The following TTC7B variants were observed in gnomAD, a reference collection of about 807,000 sequenced individuals.
TTC7B encodes the protein tetratricopeptide repeat protein 7B.
A neutral mutation model predicts 106.8 loss-of-function variants in TTC7B; 28 were observed. The ratio of observed to expected loss-of-function variants is 0.26; its 90% CI spans 0.19 to 0.36. The LOEUF is 0.36. Among genes scored for constraint, TTC7B ranks in the 10% least tolerant of loss-of-function variants. TTC7B has a pLI of 1.00. For synonymous variants in TTC7B, 405 were observed against 430.6 expected (o/e 0.94, Z 0.74); for missense variants, 862 against 1,076.4 (o/e 0.80, Z 2.79).
At chr14:90,587,123 C>T (rs921449973) in intron 18 of TTC7B, among the ~76,000 whole-genome samples, 1 of 152,202 alleles carries the variant, frequency 6.6e-6, no homozygotes, top group Non-Finnish European at 1.5e-5. Flanking sequence ...TGCCTTCCAT[C>T]CATTCTCCAC....
chr14:90,569,371 T>C (rs1890931639), intron 19 of TTC7B, among the ~76,000 whole-genome samples: 1 of 152,186 alleles, frequency 6.6e-6, no homozygotes, highest in Non-Finnish European at 1.5e-5. Context: ...GGGCTGAGGC[T>C]GTGTCCCAAG....
At chr14:90,755,036 A>G (rs1403319545) in intron 3 of TTC7B, among the ~76,000 whole-genome samples, 1 of 152,116 alleles carries the variant, frequency 6.6e-6, no homozygotes, top group African/African-American at 2.4e-5. Context: ...TCTAACTCAA[A>G]ACCTTCCTTC....
At position 90,557,506 on chromosome 14, in the gene TTC7B, A is replaced by G. The variant is rs184690228; in HGVS notation, c.2311-15917T>C. On this transcript the variant is annotated intron_variant, in intron 19 of 19. Coordinates refer to ENST00000328459, the MANE Select transcript of TTC7B (RefSeq NM_001010854.2). Reference sequence around the variant, plus strand: ...CCAAGGAATATTTGTTGGAGCACCTACTATATCCTTAGTGTGTATCTGTTC... The same window carrying G: ...CCAAGGAATATTTGTTGGAGCACCTGCTATATCCTTAGTGTGTATCTGTTC... 2.0e-3 allele frequency among the ~76,000 whole-genome samples: 305 copies of G among 152,346 alleles called. 3 individuals are homozygous for G. Among genetic ancestry groups the G allele is most frequent in the African/African-American group, 7.0e-3 (292 of 41,586 alleles).
chr14:90,764,724 T>C (rs1239272950), intron 3 of TTC7B, among the ~76,000 whole-genome samples: 1 of 152,154 alleles, frequency 6.6e-6, no homozygotes, highest in Non-Finnish European at 1.5e-5. Context: ...TAATACCACT[T>C]ATCATTAGGG....
chr14:90,722,716 A>G (rs1642916985), intron 5 of TTC7B, among the ~76,000 whole-genome samples: 1 of 152,228 alleles, frequency 6.6e-6, no homozygotes, highest in African/African-American at 2.4e-5. Context: ...CTTCCATGGT[A>G]TCTGATCCAG....
chr14:90,598,638 T>C (rs541105411), intron 17 of TTC7B, among the ~76,000 whole-genome samples: 13 of 152,330 alleles, frequency 8.5e-5, no homozygotes, highest in African/African-American at 3.1e-4. Flanking sequence ...TATTGTACAC[T>C]GAGGGCTGTT....
intron 15 of TTC7B, among the ~76,000 whole-genome samples, chr14:90,619,180 C>T (rs1893209038): frequency 1.3e-5 from 2 of 152,214 alleles, no homozygotes; most frequent in South Asian, 4.1e-4. Flanking sequence ...TGAGCCACCG[C>T]TCCCAGCCCC....
intron 7 of TTC7B, among the ~76,000 whole-genome samples, chr14:90,682,992 A>C (rs546447980): frequency 6.6e-6 from 1 of 152,350 alleles, no homozygotes. Flanking sequence ...AGTAATCATC[A>C]TCTTGCCAGG....
At chr14:90,766,710 T>C in intron 3 of TTC7B, 1 of 1,505,886 alleles carries the variant, frequency 6.6e-7, no homozygotes, top group Non-Finnish European at 9.2e-7. Flanking sequence ...GAGAACTCAC[T>C]GAGGATGAGG....
At chr14:90,741,831 C>G (rs1458141126) in intron 4 of TTC7B, among the ~76,000 whole-genome samples, 1 of 152,160 alleles carries the variant, frequency 6.6e-6, no homozygotes, top group African/African-American at 2.4e-5. Context: ...TGAGTACTTA[C>G]TACAGTCAAA....
At chr14:90,685,858 A>AT (rs1887234572) in intron 7 of TTC7B, among the ~76,000 whole-genome samples, 1 of 152,106 alleles carries the variant, frequency 6.6e-6, no homozygotes, top group East Asian at 1.9e-4. Context: ...TTAAAAAAAA[A>AT]CAAAAAAAAC....
intron 4 of TTC7B, among the ~76,000 whole-genome samples, chr14:90,737,114 T>C (rs1317282439): frequency 6.6e-6 from 1 of 152,034 alleles, no homozygotes; most frequent in African/African-American, 2.4e-5. Flanking sequence ...TAGGAAAATA[T>C]TCAGAGCAAA....
rs371611980 is a variant in TTC7B, at chr14:90,537,382, G to GGT, written c.*3984_*3985dup. The GGT allele has an allele frequency of 4.0e-5, 6 of 149,550 alleles. 1 individual carries two copies. Among genetic ancestry groups the GGT allele is most frequent in the African/African-American group, 1.5e-4 (6 of 40,034 alleles). 9.3% of individuals were successfully genotyped at this position (149,550 alleles called of 1,614,324 possible). ...TTTTTTTTTGTAGAGATGGGGGGGG[G>GGT]GTCTCACCATGTTGCCCAGGCTGGT... On this transcript the variant is annotated 3_prime_UTR_variant, in exon 20 of 20. Coordinates refer to ENST00000328459, the MANE Select transcript of TTC7B (RefSeq NM_001010854.2).
chr14:90,704,889 C>T (rs1027846819), intron 5 of TTC7B, among the ~76,000 whole-genome samples: 2 of 152,212 alleles, frequency 1.3e-5, no homozygotes, highest in African/African-American at 4.8e-5. Context: ...TCAGAGTTCA[C>T]ACTCACTCAC....
chr14:90,677,724 C>CCA (rs1433901578), intron 8 of TTC7B: 20 of 418,300 alleles, frequency 4.8e-5, no homozygotes, highest in Middle Eastern at 3.5e-4. Context: ...TTCAGAAAGG[C>CCA]CACACACACA....
intron 19 of TTC7B, among the ~76,000 whole-genome samples, chr14:90,568,166 G>A (rs1890878183): frequency 6.6e-6 from 1 of 152,206 alleles, no homozygotes; most frequent in African/African-American, 2.4e-5. Context: ...GGGGGATGGG[G>A]GTGGCTGAGG....
chr14:90,787,969 C>T (rs754514015), intron 1 of TTC7B, among the ~76,000 whole-genome samples: 10 of 152,104 alleles, frequency 6.6e-5, no homozygotes, highest in Non-Finnish European at 1.0e-4. Context: ...TTGAGACCAG[C>T]CTGGCCAATG....
At chr14:90,810,222 C>T (rs1004351061) in intron 1 of TTC7B, among the ~76,000 whole-genome samples, 2 of 152,154 alleles carry the variant, frequency 1.3e-5, no homozygotes, top group Non-Finnish European at 2.9e-5. Context: ...TACAAAATGC[C>T]GCCCCAGACC....
At chr14:90,728,614 G>A (rs566465506) in intron 5 of TTC7B, among the ~76,000 whole-genome samples, 91 of 152,332 alleles carry the variant, frequency 6.0e-4, no homozygotes, top group African/African-American at 2.1e-3. Flanking sequence ...TGGGCAGCCA[G>A]TGTCTCAGGG....
Sources: allele counts gnomAD v4.1 joint callset (sites outside exome capture counted in the v4.1 genomes callset), GRCh38; gene constraint gnomAD v4.1.1; transcripts MANE v1.5; gene names NCBI Gene and HGNC (gene_info 2026-07-23, HGNC 2026-07-21).